The following ASH1L variants were observed in gnomAD, a reference collection of about 807,000 sequenced individuals.
ASH1L encodes histone-lysine N-methyltransferase ASH1L.
ASH1L carries 23 observed loss-of-function variants against 269.0 expected under a neutral mutation model. That is an observed-to-expected ratio of 0.09 (90% CI 0.06 to 0.12). ASH1L has a LOEUF of 0.12. Ranked by LOEUF, ASH1L falls within the 10% of genes least tolerant of loss-of-function variation. ASH1L has a pLI of 1.00. For synonymous variants in ASH1L, 1,187 were observed against 1,253.5 expected, an observed-to-expected ratio of 0.95 and a Z score of 1.12; for missense variants, 2,912 against 3,567.8, an observed-to-expected ratio of 0.82 and a Z score of 4.68.
chr1:155,382,388 C>T (rs1657054218), intron 7 of ASH1L, among the ~76,000 whole-genome samples: 2 of 152,098 alleles, frequency 1.3e-5, no homozygotes, highest in Admixed American at 1.3e-4. Context: ...GTCCCAGCTA[C>T]TCGGGAGGCT....
At position 155,411,582 on chromosome 1, in the gene ASH1L, AATAAATATATATATAT is replaced by A. The variant is rs1179131797; in HGVS notation, c.6008+4146_6008+4161del. On this transcript the variant is annotated intron_variant, in intron 6 of 27. Transcript: ENST00000392403. ...ATATAAATATGAATATAAATAAATA[AATAAATATATATATAT>A]ATATATATATATATATATATGTTTT... Among the ~76,000 whole-genome samples, 56 of 48,408 alleles carry A rather than the reference AATAAATATATATATAT, an allele frequency of 1.2e-3. 1 individual carries two copies. The highest frequency in any genetic ancestry group is 2.6e-3 in the African/African-American group (33 of 12,556). The allele number at this position is 48,408 out of a possible 152,430, so 31.8% of individuals were successfully genotyped here. A position where few individuals can be genotyped will look rare whatever the true frequency, so the allele number is the denominator to read the frequency against.
chr1:155,405,255 G>T (rs927244099), intron 6 of ASH1L, among the ~76,000 whole-genome samples: 6 of 151,772 alleles, frequency 4.0e-5, no homozygotes, highest in East Asian at 3.9e-4. Context: ...CTGAGGGGGG[G>T]GCAGATCACT....
intron 4 of ASH1L, among the ~76,000 whole-genome samples, chr1:155,450,513 G>T (rs1045508385): frequency 6.6e-6 from 1 of 151,974 alleles, no homozygotes; most frequent in Non-Finnish European, 1.5e-5. Flanking sequence ...ACTTCATTTT[G>T]GATAACTATT....
chr1:155,442,964 T>C (rs570567041), intron 4 of ASH1L, among the ~76,000 whole-genome samples: 1 of 152,336 alleles, frequency 6.6e-6, no homozygotes, highest in East Asian at 1.9e-4. Flanking sequence ...AGGTCCCCTA[T>C]TAAGAATTAT....
intron 2 of ASH1L, among the ~76,000 whole-genome samples, chr1:155,494,879 T>C (rs1667045557): frequency 6.6e-6 from 1 of 151,742 alleles, no homozygotes; most frequent in Non-Finnish European, 1.5e-5. Context: ...AACACCAAGG[T>C]ATTGTAACAT....
chr1:155,555,848 G>A (rs1156308201), intron 1 of ASH1L, among the ~76,000 whole-genome samples: 1 of 152,180 alleles, frequency 6.6e-6, no homozygotes, highest in South Asian at 2.1e-4. Context: ...AACTATGAAG[G>A]AGTAATTCCT....
At chr1:155,436,555 G>A (rs1192180342) in intron 5 of ASH1L, among the ~76,000 whole-genome samples, 1 of 138,444 alleles carries the variant, frequency 7.2e-6, no homozygotes, top group East Asian at 2.4e-4. Flanking sequence ...GGAGTGCAGT[G>A]GCGCAATCTC....
At chr1:155,445,789 A>C (rs1342488481) in intron 4 of ASH1L, among the ~76,000 whole-genome samples, 1 of 151,512 alleles carries the variant, frequency 6.6e-6, no homozygotes, top group Non-Finnish European at 1.5e-5. Flanking sequence ...TTATTCTTCA[A>C]TTTTTCTCAA....
intron 1 of ASH1L, among the ~76,000 whole-genome samples, chr1:155,541,114 A>G (rs1670400562): frequency 6.6e-6 from 1 of 152,160 alleles, no homozygotes; most frequent in Non-Finnish European, 1.5e-5. Flanking sequence ...TTTAATATCC[A>G]TATCTTCCAC....
At chr1:155,541,003 G>A (rs889384168) in intron 1 of ASH1L, among the ~76,000 whole-genome samples, 1 of 152,092 alleles carries the variant, frequency 6.6e-6, no homozygotes, top group African/African-American at 2.4e-5. Context: ...CCCTAGACTT[G>A]GGAGGCTGAG....
chr1:155,408,946 G>A lies in ASH1L; in HGVS notation c.6008+6798C>T, dbSNP rs191263772. Among the ~76,000 whole-genome samples the A allele has an allele frequency of 1.1e-4, 16 of 150,824 alleles. No individual in the cohort carries two copies. In the East Asian group the frequency reaches 1.2e-3, roughly 11 times the overall value. ...AAAACAAAACAAACAGAGAGTTTAC[G>A]GAGAAAAAAAAAGAGAAGCTCATCT... On this transcript the variant is annotated intron_variant, in intron 6 of 27. Transcript: ENST00000392403.
rs72993417 is a variant in ASH1L at position 155,437,837 on chromosome 1, G to T, written c.5828+490C>A. 5.2e-3 allele frequency among the ~76,000 whole-genome samples: 784 copies of T among 152,220 alleles called. 5 individuals carry two copies. The highest frequency in any genetic ancestry group is 0.018 in the African/African-American group (759 of 41,542). ...TAAAGTGAGTGGGTTCAGAGTGGATGGTTACTTGCCCTTTGCTTCTTTTGT... is the reference window on the plus strand; with the variant it reads ...TAAAGTGAGTGGGTTCAGAGTGGATTGTTACTTGCCCTTTGCTTCTTTTGT... On this transcript the variant is annotated intron_variant, in intron 5 of 27. Coordinates refer to ENST00000392403, the MANE Select transcript of ASH1L (RefSeq NM_018489.3).
At chr1:155,398,083 ATATATT>A (rs1044609110) in intron 6 of ASH1L, among the ~76,000 whole-genome samples, 4 of 152,338 alleles carry the variant, frequency 2.6e-5, no homozygotes, top group African/African-American at 9.6e-5. Context: ...AGTAAAAACA[ATATATT>A]TATAAAGACT....
intron 1 of ASH1L, among the ~76,000 whole-genome samples, chr1:155,537,083 G>C (rs1670110250): frequency 6.6e-6 from 1 of 150,896 alleles, no homozygotes; most frequent in East Asian, 1.9e-4. Flanking sequence ...ATTCAACACA[G>C]AAAGGCAATT....
At chr1:155,559,046 G>A (rs1384708555) in intron 1 of ASH1L, among the ~76,000 whole-genome samples, 5 of 151,856 alleles carry the variant, frequency 3.3e-5, no homozygotes, top group Non-Finnish European at 7.4e-5. Flanking sequence ...GTTTTGCCAC[G>A]TTGGCCAGGC....
At position 155,513,580 on chromosome 1, in the gene ASH1L, A is replaced by C. The variant is rs376542881; in HGVS notation, c.420+7520T>G. Among the ~76,000 whole-genome samples the C allele has an allele frequency of 1.4e-3, 206 of 152,066 alleles. 2 individuals are homozygous for C. The highest frequency in any genetic ancestry group is 4.8e-3 in the African/African-American group (198 of 41,460). Reference sequence around the variant, plus strand: ...GAGTGAGATCCTGTATCAAAAAAAAAAAAAAAAAAGAATTACAATGTCCAG... The same window carrying C: ...GAGTGAGATCCTGTATCAAAAAAAACAAAAAAAAAGAATTACAATGTCCAG... On this transcript the variant is annotated intron_variant, in intron 2 of 27. Coordinates refer to ENST00000392403, the MANE Select transcript of ASH1L (RefSeq NM_018489.3).
In ASH1L at chr1:155,352,916, TC is replaced by T. The variant is rs932268671; in HGVS notation, c.7214-59del. The stretch of plus-strand genomic sequence containing the variant: ...AAACAAGGAGCTCTACATGTCTTTC[TC>T]TTTCCCAATGGATTCCTGCCATTTG... On this transcript the variant is annotated intron_variant, in intron 16 of 27. Transcript: ENST00000392403. 45 of 1,483,684 alleles carry T rather than the reference TC, an allele frequency of 3.0e-5. No homozygotes were observed. The African/African-American group carries it at 6.1e-4, about 20-fold the overall frequency. 91.9% of individuals were successfully genotyped at this position (1,483,684 alleles called of 1,614,324 possible). A position where few individuals can be genotyped will look rare whatever the true frequency, so the allele number is the denominator to read the frequency against.
intron 6 of ASH1L, among the ~76,000 whole-genome samples, chr1:155,408,757 T>C (rs1285773391): frequency 6.6e-6 from 1 of 152,080 alleles, no homozygotes; most frequent in Non-Finnish European, 1.5e-5. Flanking sequence ...TGATAGCTTA[T>C]GCCTCCTAGC....
chr1:155,444,215 C>G (rs1662824291), intron 4 of ASH1L, among the ~76,000 whole-genome samples: 1 of 152,092 alleles, frequency 6.6e-6, no homozygotes, highest in Non-Finnish European at 1.5e-5. Context: ...TTCCTGACCT[C>G]AAATGATCCA....
Sources: gnomAD v4.1 joint callset for allele counts (sites outside exome capture counted in the v4.1 genomes callset) on GRCh38, gnomAD v4.1.1 for gene constraint, MANE v1.5 for transcripts, NCBI Gene and HGNC (gene_info 2026-07-23, HGNC 2026-07-21) for gene names.